The following NBEAL1 variants were observed in gnomAD, a reference collection of about 807,000 sequenced individuals.
NBEAL1 encodes the protein neurobeachin like 1, also known as neurobeachin-like protein 1.
Under a neutral mutation model 351.3 loss-of-function variants are expected in NBEAL1, and 273 were observed. That is an observed-to-expected ratio of 0.78 (90% CI 0.70 to 0.86). NBEAL1 has a LOEUF of 0.86. Among genes scored for constraint, NBEAL1 ranks in the 40% least tolerant of loss-of-function variants. The pLI is 0.00. For missense variants in NBEAL1, 2,961 were observed against 3,201.3 expected, an observed-to-expected ratio of 0.92 and a Z score of 1.81; for synonymous variants, 1,050 against 1,086.4, an observed-to-expected ratio of 0.97 and a Z score of 0.66.
At chr2:203,177,879 C>T (rs1282413037) in intron 42 of NBEAL1, among the ~76,000 whole-genome samples, 1 of 151,730 alleles carries the variant, frequency 6.6e-6, no homozygotes. Flanking sequence ...ATTATCTGGG[C>T]GTGGTCGTGG....
At position 203,145,001 on chromosome 2, in the gene NBEAL1, T is replaced by C. The variant is rs555118750; in HGVS notation, c.5155-10T>C. On this transcript the variant is annotated splice_polypyrimidine_tract_variant and intron_variant, in intron 32 of 55. Transcript: ENST00000683969. ...TAAATTTTATGTATCTTTTTTATTT[T>C]TTTGGTAAGATTGTACCTTATATGA... 6.5e-7 allele frequency: 1 copy of C among 1,535,978 alleles called. No individual in the cohort carries two copies. The highest frequency in any genetic ancestry group is 8.7e-7 in the Non-Finnish European group (1 of 1,146,316).
intron 31 of NBEAL1, among the ~76,000 whole-genome samples, chr2:203,143,731 G>C (rs1010833187): frequency 2.6e-5 from 4 of 152,124 alleles, no homozygotes; most frequent in African/African-American, 9.7e-5. Flanking sequence ...TATATATCTT[G>C]AATAGTGACT....
chr2:203,027,502 A>G (rs2060877523), intron 2 of NBEAL1, among the ~76,000 whole-genome samples: 1 of 152,212 alleles, frequency 6.6e-6, no homozygotes, highest in Non-Finnish European at 1.5e-5. Flanking sequence ...CCTCTGTAAA[A>G]AAAAAAATGT....
chr2:203,189,418 C>T (rs72936326), intron 45 of NBEAL1, among the ~76,000 whole-genome samples: 13,863 of 152,068 alleles, frequency 0.091, 750 homozygotes, highest in Non-Finnish European at 0.12. Context: ...CTGGGTCTTG[C>T]TCTGTCACCC....
chr2:203,042,737 G>A (rs1335145573), intron 3 of NBEAL1, among the ~76,000 whole-genome samples: 9 of 152,004 alleles, frequency 5.9e-5, no homozygotes, highest in East Asian at 3.9e-4. Flanking sequence ...ACAGGCGCAC[G>A]CCACCATGCT....
chr2:203,134,851 A>G (rs2063161131), intron 27 of NBEAL1, among the ~76,000 whole-genome samples: 1 of 152,220 alleles, frequency 6.6e-6, no homozygotes, highest in East Asian at 1.9e-4. Context: ...CTTACTAAGC[A>G]ATGTAGACTT....
chr2:203,192,268 C>T (rs566651802), intron 46 of NBEAL1, among the ~76,000 whole-genome samples: 2 of 152,244 alleles, frequency 1.3e-5, no homozygotes, highest in Admixed American at 1.3e-4. Flanking sequence ...ATTTTCACAC[C>T]TGCTTTACCT....
At chr2:203,189,107 A>G (rs2064996596) in intron 45 of NBEAL1, among the ~76,000 whole-genome samples, 1 of 152,250 alleles carries the variant, frequency 6.6e-6, no homozygotes, top group Non-Finnish European at 1.5e-5. Flanking sequence ...TACCGGATCC[A>G]TTCAGGTAAT....
At position 203,219,441 on chromosome 2, in the gene NBEAL1, G is replaced by GT. The variant is rs1329436085; in HGVS notation, c.*2092dup. On this transcript the variant is annotated 3_prime_UTR_variant, in exon 56 of 56. Coordinates refer to ENST00000683969, the MANE Select transcript of NBEAL1 (RefSeq NM_001378026.1). The stretch of plus-strand genomic sequence containing the variant: ...GCTTTTTAGATGGAAGAAATAAGCA[G>GT]TTTTTACTTTATAGTACAAATAAGT... The GT allele has an allele frequency of 2.0e-5, 3 of 151,940 alleles. No individual in the cohort carries two copies. Among genetic ancestry groups the GT allele is most frequent in the Non-Finnish European group, 2.9e-5 (2 of 68,010 alleles). 9.4% of individuals were successfully genotyped at this position (151,940 alleles called of 1,614,324 possible).
intron 24 of NBEAL1, 84 bp downstream of exon 24, chr2:203,128,021 T>A: frequency 9.4e-7 from 1 of 1,064,394 alleles, no homozygotes; most frequent in African/African-American, 1.6e-5. Context: ...TGTGTCTAGT[T>A]AAATATTTTG....
rs1231971661 is a variant in NBEAL1, at chr2:203,167,346, A to T, written c.5983A>T (p.Asn1995Tyr). ...FHVDQSNYFL[N>Y]FKKEVRNKIY... Reference sequence around the variant, plus strand: ...TGTTGACCAATCCAACTACTTTCTCAATTTCAAAAAAGAGGTATGTATTAT... The same window carrying T: ...TGTTGACCAATCCAACTACTTTCTCTATTTCAAAAAAGAGGTATGTATTAT... The change falls in exon 38 of 56, where the codon AAT becomes TAT. Residue 1995 changes from asparagine (N) to tyrosine (Y), a missense_variant. Asn to Tyr is a moderately radical substitution (Grantham distance 143, BLOSUM62 -2). Transcript: ENST00000683969. The T allele has an allele frequency of 6.2e-7, 1 of 1,608,744 alleles. No homozygotes were observed. The highest frequency in any genetic ancestry group is 8.5e-7 in the Non-Finnish European group (1 of 1,177,952).
At chr2:203,181,414 T>C (rs2064714192) in intron 43 of NBEAL1, 1 of 152,182 alleles carries the variant, frequency 6.6e-6, no homozygotes, top group African/African-American at 2.4e-5. Flanking sequence ...AATGACAGGA[T>C]ATAAGTTACT....
intron 29 of NBEAL1, 62 bp from the exon 30 acceptor site, chr2:203,138,100 T>TTC: frequency 6.5e-7 from 1 of 1,531,508 alleles, no homozygotes; most frequent in South Asian, 1.2e-5. Flanking sequence ...TGTTTTGTTT[T>TTC]TAATGTCCTA....
intron 13 of NBEAL1, 34 bp from the exon 14 acceptor site, chr2:203,107,574 T>A (rs1473011441): frequency 3.9e-6 from 6 of 1,544,836 alleles, no homozygotes; most frequent in Admixed American, 2.0e-5. Flanking sequence ...TTGAAAATGA[T>A]AACTAACCTT....
chr2:203,030,821 T>C (rs907347197), intron 2 of NBEAL1, among the ~76,000 whole-genome samples: 1 of 152,168 alleles, frequency 6.6e-6, no homozygotes, highest in Admixed American at 6.5e-5. Flanking sequence ...GAGACCAGAC[T>C]GCGCAACATA....
At chr2:203,103,279 C>T (rs1574972499) in intron 12 of NBEAL1, among the ~76,000 whole-genome samples, 1 of 144,556 alleles carries the variant, frequency 6.9e-6, no homozygotes. Context: ...TTTTGTATTT[C>T]TTTTTTTTTT....
chr2:203,116,379 G>C (rs1430412665), intron 18 of NBEAL1, among the ~76,000 whole-genome samples: 1 of 152,072 alleles, frequency 6.6e-6, no homozygotes, highest in Admixed American at 6.6e-5. Flanking sequence ...ATAGTTTACT[G>C]GAAGGAAAGA....
chr2:203,168,899 A>AC (rs1278181212), intron 38 of NBEAL1, among the ~76,000 whole-genome samples: 2 of 151,302 alleles, frequency 1.3e-5, no homozygotes, highest in African/African-American at 2.4e-5. Context: ...ATCTCAAAAA[A>AC]AAAAAAAAAA....
In NBEAL1 at chr2:203,210,945, T is replaced by G; in HGVS notation, c.7786-13T>G. ...TTATTTGAAATTGTTGAATTTTCCT[T>G]AATTCTTTTCAGGATAAGAATGCAT... On this transcript the variant is annotated splice_polypyrimidine_tract_variant and intron_variant, in intron 53 of 55. Transcript: ENST00000683969. 6.6e-7 allele frequency: 1 copy of G among 1,525,540 alleles called. No homozygotes were observed. Among genetic ancestry groups the G allele is most frequent in the Non-Finnish European group, 8.9e-7 (1 of 1,127,806 alleles). The allele number at this position is 1,525,540 out of a possible 1,614,324, so 94.5% of individuals were successfully genotyped here. A position where few individuals can be genotyped will look rare whatever the true frequency, so the allele number is the denominator to read the frequency against.
Sources: gnomAD v4.1 joint callset for allele counts (sites outside exome capture counted in the v4.1 genomes callset) on GRCh38, gnomAD v4.1.1 for gene constraint, MANE v1.5 for transcripts, NCBI Gene and HGNC (gene_info 2026-07-23, HGNC 2026-07-21) for gene names.